LOC728392: variants seen among roughly 807,000 people sequenced by gnomAD.
At chr17:5,500,415 C>A in the LOC728392 span, 2 of 1,104,852 alleles carry the variant, frequency 1.8e-6, no homozygotes, top group African/African-American at 1.7e-5. This position sits in a 1 kb window ranked among gnomAD's most constrained non-coding sequence, Gnocchi z 5.4. Context: ...ATTTCATTGC[C>A]GGCAGCTACT....
the LOC728392 span, chr17:5,500,101 A>G: frequency 2.0e-6 from 2 of 986,192 alleles, no homozygotes; most frequent in Non-Finnish European, 2.4e-6. This position sits in a 1 kb window ranked among gnomAD's most constrained non-coding sequence, Gnocchi z 5.4. Context: ...TCTGGGGCAC[A>G]GCTGGCTCCT....
At chr17:5,499,692 T>A in the LOC728392 span, 1 of 865,120 alleles carries the variant, frequency 1.2e-6, no homozygotes, top group Non-Finnish European at 1.4e-6. Context: ...CAGCCCCTTT[T>A]GTCTTGGGTC....
chr17:5,499,679 C>T, the LOC728392 span: 1 of 775,626 alleles, frequency 1.3e-6, no homozygotes, highest in Non-Finnish European at 1.6e-6. Flanking sequence ...ATGAGAAATC[C>T]CTCAGCCCCT....
chr17:5,500,514 G>C, the LOC728392 span: 1 of 1,197,482 alleles, frequency 8.4e-7, no homozygotes, highest in Non-Finnish European at 1.1e-6. This position sits in a 1 kb window ranked among gnomAD's most constrained non-coding sequence, Gnocchi z 5.4. Flanking sequence ...GTGCAGCGCT[G>C]TTCTAAAACA....
the LOC728392 span, chr17:5,500,996 C>T: frequency 8.3e-7 from 1 of 1,204,664 alleles, no homozygotes; most frequent in African/African-American, 1.6e-5. This position sits in a 1 kb window ranked among gnomAD's most constrained non-coding sequence, Gnocchi z 5.4. Flanking sequence ...GGGTCTGGGT[C>T]AGAGCGCAGT....
At chr17:5,499,939 C>G in the LOC728392 span, 2 of 985,988 alleles carry the variant, frequency 2.0e-6, no homozygotes, top group Non-Finnish European at 2.4e-6. Flanking sequence ...CTCCGGGCAG[C>G]GACAACAAAG....
At chr17:5,500,497 G>T in the LOC728392 span, 3 of 1,165,932 alleles carry the variant, frequency 2.6e-6, no homozygotes, top group Non-Finnish European at 3.2e-6. The surrounding 1 kb of genome is among the most constrained non-coding windows in gnomAD (Gnocchi z 5.4). Flanking sequence ...AAAGCTACAT[G>T]AAGGGGGTGC....
the LOC728392 span, chr17:5,500,614 G>C: frequency 4.0e-6 from 5 of 1,262,886 alleles, no homozygotes; most frequent in Non-Finnish European, 5.1e-6. The surrounding 1 kb of genome is among the most constrained non-coding windows in gnomAD (Gnocchi z 5.4). Flanking sequence ...AGCTGTAAAT[G>C]GATATAGGTA....
At chr17:5,499,915 AC>A in the LOC728392 span, 12,738 of 985,844 alleles carry the variant, frequency 0.013, 857 homozygotes, top group East Asian at 0.14. Flanking sequence ...TCCTCCGGGT[AC>A]CAGTCTCGAC....
the LOC728392 span, chr17:5,500,462 C>T: frequency 8.7e-7 from 1 of 1,146,448 alleles, no homozygotes; most frequent in African/African-American, 1.7e-5. This position sits in a 1 kb window ranked among gnomAD's most constrained non-coding sequence, Gnocchi z 5.4. Flanking sequence ...ATAGTGACAA[C>T]AAAGACGGAA....
the LOC728392 span, chr17:5,500,903 C>G: frequency 7.9e-7 from 1 of 1,259,376 alleles, no homozygotes; most frequent in Non-Finnish European, 1.0e-6. The surrounding 1 kb of genome is among the most constrained non-coding windows in gnomAD (Gnocchi z 5.4). Context: ...ACTCGGGGTC[C>G]GGGCGAATCT....
the LOC728392 span, chr17:5,500,798 G>C: frequency 8.7e-7 from 1 of 1,155,414 alleles, no homozygotes; most frequent in Non-Finnish European, 1.1e-6. The surrounding 1 kb of genome is among the most constrained non-coding windows in gnomAD (Gnocchi z 5.4). Context: ...TCCCGCCCGC[G>C]CGCCGACCAG....
chr17:5,500,985 C>G, the LOC728392 span: 2 of 1,228,254 alleles, frequency 1.6e-6, no homozygotes, highest in African/African-American at 3.3e-5. The surrounding 1 kb of genome is among the most constrained non-coding windows in gnomAD (Gnocchi z 5.4). Flanking sequence ...GTGGGTCAGC[C>G]GGGTCTGGGT....
the LOC728392 span, chr17:5,499,753 C>A: frequency 1.0e-6 from 1 of 985,590 alleles, no homozygotes. Flanking sequence ...CTAGAGTCCC[C>A]AAGGACAGCC....
chr17:5,500,317 G>A, the LOC728392 span: 2 of 1,044,050 alleles, frequency 1.9e-6, no homozygotes, highest in East Asian at 1.1e-4. This position sits in a 1 kb window ranked among gnomAD's most constrained non-coding sequence, Gnocchi z 5.4. Context: ...TAGGGGTCCA[G>A]GGGCATTCTA....
At chr17:5,499,742 C>T in the LOC728392 span, 1 of 983,738 alleles carries the variant, frequency 1.0e-6, no homozygotes, top group African/African-American at 1.7e-5. Flanking sequence ...ACGAAGCCAT[C>T]CTAGAGTCCC....
At chr17:5,499,853 A>AG in the LOC728392 span, 1 of 985,836 alleles carries the variant, frequency 1.0e-6, no homozygotes, top group Non-Finnish European at 1.2e-6. Flanking sequence ...CTGCAGCCAC[A>AG]GGTCCCGCGA....
At chr17:5,500,534 G>A in the LOC728392 span, 5 of 1,201,092 alleles carry the variant, frequency 4.2e-6, no homozygotes, top group African/African-American at 3.4e-5. The surrounding 1 kb of genome is among the most constrained non-coding windows in gnomAD (Gnocchi z 5.4). Context: ...ACAAAATGCC[G>A]AGCCCCGTTT....
chr17:5,499,864 G>A, the LOC728392 span: 1 of 985,976 alleles, frequency 1.0e-6, no homozygotes, highest in South Asian at 4.7e-5. Flanking sequence ...GGTCCCGCGA[G>A]TCCCGGACAC....
Sources: allele counts gnomAD v4.1 joint callset, GRCh38; gene constraint gnomAD v4.1.1; non-coding constraint Gnocchi (gnomAD v3.1); transcripts MANE v1.5.